The following PNLIPRP3 variants were observed in gnomAD, a reference collection of about 807,000 sequenced individuals.
The protein encoded by PNLIPRP3 is pancreatic lipase-related protein 3.
Under a neutral mutation model 52.8 loss-of-function variants are expected in PNLIPRP3, and 58 were observed. The observed-to-expected ratio is 1.10, with a 90% CI of 0.89 to 1.37. The LOEUF (loss-of-function observed/expected upper bound fraction) is 1.37, where lower values mean the gene tolerates loss of function less well. Ranked by LOEUF, PNLIPRP3 falls within the 40% of genes most tolerant of loss-of-function variation. PNLIPRP3 has a pLI of 0.00. For missense variants in PNLIPRP3, 593 were observed against 561.6 expected (o/e 1.06, Z -0.57); for synonymous variants, 192 against 185.0 (o/e 1.04, Z -0.31).
intron 8 of PNLIPRP3, among the ~76,000 whole-genome samples, chr10:116,467,582 A>C (rs1474234936): frequency 6.6e-6 from 1 of 152,196 alleles, no homozygotes; most frequent in Non-Finnish European, 1.5e-5. Flanking sequence ...AAATAAAATT[A>C]AAGAAGCAAA....
intron 5 of PNLIPRP3, among the ~76,000 whole-genome samples, chr10:116,459,918 C>T (rs1426217400): frequency 2.6e-5 from 4 of 152,194 alleles, no homozygotes; most frequent in African/African-American, 9.7e-5. Flanking sequence ...CACGTGCCCA[C>T]TACCATGCCT....
At chr10:116,439,161 G>T (rs1564693638) in intron 2 of PNLIPRP3, among the ~76,000 whole-genome samples, 1 of 152,066 alleles carries the variant, frequency 6.6e-6, no homozygotes, top group Non-Finnish European at 1.5e-5. Context: ...ACTTTAAAAT[G>T]GTTAAAATGT....
intron 4 of PNLIPRP3, 58 bp from the exon 5 acceptor site, chr10:116,455,664 A>G: frequency 2.4e-6 from 3 of 1,248,150 alleles, no homozygotes; most frequent in Non-Finnish European, 3.5e-6. Flanking sequence ...TTTAAAGCAT[A>G]TTTAAGCTAT....
chr10:116,430,591 A>G (rs902501273), intron 1 of PNLIPRP3, among the ~76,000 whole-genome samples: 11 of 146,276 alleles, frequency 7.5e-5, no homozygotes, highest in Non-Finnish European at 1.3e-4. Flanking sequence ...TATGGTTTTA[A>G]TTGACTGTAG....
intron 5 of PNLIPRP3, among the ~76,000 whole-genome samples, chr10:116,456,434 CCACATGTGCCCCCAA>C (rs1217697406): frequency 1.3e-5 from 2 of 152,098 alleles, no homozygotes; most frequent in Non-Finnish European, 2.9e-5. Context: ...TCTCAAAATA[CCACATGTGCCCCCAA>C]AATATGGACA....
intron 2 of PNLIPRP3, chr10:116,439,637 C>T (rs547588925): frequency 1.0e-5 from 8 of 762,594 alleles, no homozygotes; most frequent in African/African-American, 8.5e-5. Context: ...GCTGCTTTTT[C>T]GCTGCCATTT....
chr10:116,427,895 G>C lies in PNLIPRP3; in HGVS notation c.-118G>C, dbSNP rs1845659302. 1.3e-6 allele frequency: 1 copy of C among 762,296 alleles called. No homozygotes were observed. Among genetic ancestry groups the C allele is most frequent in the East Asian group, 2.6e-5 (1 of 38,994 alleles). The allele number at this position is 762,296 out of a possible 1,614,324, so 47.2% of individuals were successfully genotyped here. A position where few individuals can be genotyped will look rare whatever the true frequency, so the allele number is the denominator to read the frequency against. Reference sequence around the variant, plus strand: ...GGAATAACATGTTCTTTTAAACGTAGAGTTTAAACATTGAGTTGCATCATT... The same window carrying C: ...GGAATAACATGTTCTTTTAAACGTACAGTTTAAACATTGAGTTGCATCATT... On this transcript the variant is annotated 5_prime_UTR_variant, in exon 1 of 12. Coordinates refer to ENST00000369230, the MANE Select transcript of PNLIPRP3 (RefSeq NM_001011709.3).
chr10:116,449,832 T>C (rs1349327943), intron 4 of PNLIPRP3, among the ~76,000 whole-genome samples: 1 of 152,164 alleles, frequency 6.6e-6, no homozygotes, highest in African/African-American at 2.4e-5. Flanking sequence ...TTCGCCAGGA[T>C]AGATCACAAG....
intron 5 of PNLIPRP3, among the ~76,000 whole-genome samples, chr10:116,456,176 G>A (rs1026426823): frequency 1.3e-5 from 2 of 152,206 alleles, no homozygotes; most frequent in Non-Finnish European, 2.9e-5. Flanking sequence ...TGGTGGTTAT[G>A]AGAGGCTGGG....
chr10:116,459,766 T>C (rs1846164970), intron 5 of PNLIPRP3, among the ~76,000 whole-genome samples: 1 of 152,078 alleles, frequency 6.6e-6, no homozygotes, highest in Non-Finnish European at 1.5e-5. Flanking sequence ...TACTAGTGTT[T>C]CTTTTCTTTT....
chr10:116,453,905 T>C (rs1475223955), intron 4 of PNLIPRP3, among the ~76,000 whole-genome samples: 1 of 152,034 alleles, frequency 6.6e-6, no homozygotes, highest in Admixed American at 6.6e-5. Context: ...CTGCATTCAT[T>C]AGGTATTTGT....
chr10:116,440,026 T>C (rs1323642382), intron 2 of PNLIPRP3: 2 of 761,594 alleles, frequency 2.6e-6, no homozygotes, highest in Non-Finnish European at 4.8e-6. Context: ...GTTTGGTTTC[T>C]AGGGGTCACC....
chr10:116,468,854 A>C (rs1360885175), intron 8 of PNLIPRP3, among the ~76,000 whole-genome samples: 1 of 152,250 alleles, frequency 6.6e-6, no homozygotes, highest in Non-Finnish European at 1.5e-5. Flanking sequence ...AATCTGCTGA[A>C]TATGAAATTT....
In PNLIPRP3 at chr10:116,462,281, A is replaced by G. The variant is rs185979660; in HGVS notation, c.808+991A>G. Among the ~76,000 whole-genome samples the G allele has an allele frequency of 3.3e-3, 491 of 150,690 alleles. 2 individuals carry two copies. The highest frequency in any genetic ancestry group is 0.011 in the African/African-American group (439 of 41,246). ...CTTCCCTATCTCTACATTTCATCAT[A>G]TAATTAATGAAATACATTACCCATA... is the stretch of plus-strand genomic sequence containing the variant. On this transcript the variant is annotated intron_variant, in intron 7 of 11. Coordinates refer to ENST00000369230, the MANE Select transcript of PNLIPRP3 (RefSeq NM_001011709.3).
chr10:116,464,844 A>G (rs1846255021), intron 7 of PNLIPRP3, among the ~76,000 whole-genome samples: 1 of 152,122 alleles, frequency 6.6e-6, no homozygotes, highest in African/African-American at 2.4e-5. Flanking sequence ...TGTGTCTCAC[A>G]TTGTTTGATC....
intron 5 of PNLIPRP3, among the ~76,000 whole-genome samples, 157 bp from the exon 6 acceptor site, chr10:116,460,809 G>C: frequency 6.6e-6 from 1 of 151,576 alleles, no homozygotes; most frequent in East Asian, 2.1e-4. Context: ...GCAATATATA[G>C]AGACCCTACA....
chr10:116,455,639 T>TC, intron 4 of PNLIPRP3, 83 bp from the exon 5 acceptor site: 1 of 868,400 alleles, frequency 1.2e-6, no homozygotes, highest in Non-Finnish European at 1.6e-6. Context: ...ATGTTGATCC[T>TC]TTTTTTTTTC....
chr10:116,458,166 C>T (rs115702995), intron 5 of PNLIPRP3, among the ~76,000 whole-genome samples: 2,235 of 152,198 alleles, frequency 0.015, 54 homozygotes, highest in African/African-American at 0.051. Context: ...GCTGATTCTG[C>T]TTTTATTTAT....
At chr10:116,475,440 C>T (rs1185386441) in intron 10 of PNLIPRP3, among the ~76,000 whole-genome samples, 3 of 152,168 alleles carry the variant, frequency 2.0e-5, no homozygotes, top group Non-Finnish European at 1.5e-5. Flanking sequence ...TGTCCAGCTT[C>T]ACCATAGGTT....
Sources: gnomAD v4.1 joint callset for allele counts (sites outside exome capture counted in the v4.1 genomes callset) on GRCh38, gnomAD v4.1.1 for gene constraint, MANE v1.5 for transcripts, NCBI Gene and HGNC (gene_info 2026-07-23, HGNC 2026-07-21) for gene names.